Variants in CERS6 observed in about 807,000 individuals in gnomAD.
CERS6 encodes LAG1 homolog, ceramide synthase 6.
In CERS6, 26 loss-of-function variants were observed where a neutral mutation model predicts 56.8. That is an observed-to-expected ratio of 0.46 (90% CI 0.34 to 0.63). CERS6 has a LOEUF of 0.63. CERS6 is among the 30% of genes least tolerant of loss of function. The pLI is 0.01. For missense variants in CERS6, 415 were observed against 467.5 expected (o/e 0.89, Z 1.04); for synonymous variants, 164 against 173.3 (o/e 0.95, Z 0.42).
At chr2:168,548,844 T>C (rs1170046306) in intron 2 of CERS6, among the ~76,000 whole-genome samples, 2 of 152,198 alleles carry the variant, frequency 1.3e-5, no homozygotes, top group Non-Finnish European at 2.9e-5. Flanking sequence ...GTTTTTCATA[T>C]CTCTGCTAGG....
intron 1 of CERS6, among the ~76,000 whole-genome samples, chr2:168,541,148 T>G (rs1558990222): frequency 6.6e-6 from 1 of 151,810 alleles, no homozygotes; most frequent in Non-Finnish European, 1.5e-5. Context: ...TTGTGGAAAC[T>G]CATAGAGCTA....
At position 168,547,659 on chromosome 2, in the gene CERS6, G is replaced by T; in HGVS notation, c.234G>T (p.Pro78=). Reference sequence around the variant, plus strand: ...AGGCCAATGGACCACAAATTGCTCCGCCCAATGCCATTCTGGAAAAGGTCT... The same window carrying T: ...AGGCCAATGGACCACAAATTGCTCCTCCCAATGCCATTCTGGAAAAGGTCT... ...NIQANGPQIA[P]PNAILEKVFT... Residue 78 remains proline (P), a synonymous_variant, in exon 2 of 10, where the codon CCG becomes CCT. Transcript: ENST00000305747. 2 of 1,613,664 alleles carry T rather than the reference G, an allele frequency of 1.2e-6. No individual in the cohort carries two copies. Among genetic ancestry groups the T allele is most frequent in the Non-Finnish European group, 1.7e-6 (2 of 1,179,616 alleles).
At chr2:168,656,493 G>A (rs1044446072) in intron 4 of CERS6, among the ~76,000 whole-genome samples, 6 of 151,464 alleles carry the variant, frequency 4.0e-5, no homozygotes, top group Non-Finnish European at 7.4e-5. Flanking sequence ...TGGTGGGTTC[G>A]TGGTCTCGCT....
chr2:168,681,957 A>G (rs1686228728), intron 4 of CERS6, among the ~76,000 whole-genome samples: 1 of 152,240 alleles, frequency 6.6e-6, no homozygotes, highest in Non-Finnish European at 1.5e-5. Flanking sequence ...ATTGCTACAA[A>G]TGGCAGGATT....
intron 4 of CERS6, among the ~76,000 whole-genome samples, chr2:168,667,881 C>T (rs145178066): frequency 3.9e-5 from 6 of 152,256 alleles, no homozygotes; most frequent in Non-Finnish European, 8.8e-5. Context: ...AAGAAATATG[C>T]ATGGAGGGAC....
At chr2:168,517,657 A>G (rs966202295) in intron 1 of CERS6, among the ~76,000 whole-genome samples, 4 of 152,082 alleles carry the variant, frequency 2.6e-5, no homozygotes, top group Non-Finnish European at 5.9e-5. Flanking sequence ...GTGGGGCAAA[A>G]GTAGCCTCAA....
At chr2:168,674,958 C>CTTTA (rs1686016808) in intron 4 of CERS6, among the ~76,000 whole-genome samples, 1 of 82,818 alleles carries the variant, frequency 1.2e-5, no homozygotes, top group African/African-American at 4.5e-5. Flanking sequence ...ATTTACATTA[C>CTTTA]CTTATTTATT....
At chr2:168,746,617 A>G (rs1641804344) in intron 8 of CERS6, among the ~76,000 whole-genome samples, 1 of 151,560 alleles carries the variant, frequency 6.6e-6, no homozygotes, top group Non-Finnish European at 1.5e-5. Flanking sequence ...TGTTAACACC[A>G]AAACTAACAA....
At chr2:168,623,554 A>G (rs541058894) in intron 3 of CERS6, among the ~76,000 whole-genome samples, 48 of 152,332 alleles carry the variant, frequency 3.2e-4, no homozygotes, top group African/African-American at 1.1e-3. Flanking sequence ...TTGTATCTGA[A>G]TCATTAACGT....
intron 1 of CERS6, among the ~76,000 whole-genome samples, chr2:168,468,520 G>T (rs1693922614): frequency 6.6e-6 from 1 of 152,186 alleles, no homozygotes; most frequent in Non-Finnish European, 1.5e-5. Context: ...TTGCTGTGAG[G>T]ATTAAATGAG....
At chr2:168,500,681 A>G (rs1306368901) in intron 1 of CERS6, among the ~76,000 whole-genome samples, 1 of 152,078 alleles carries the variant, frequency 6.6e-6, no homozygotes, top group African/African-American at 2.4e-5. Context: ...ATTCAAACCA[A>G]AGGAGAAACC....
At chr2:168,498,575 T>C (rs1343963500) in intron 1 of CERS6, among the ~76,000 whole-genome samples, 1 of 152,218 alleles carries the variant, frequency 6.6e-6, no homozygotes, top group Non-Finnish European at 1.5e-5. Flanking sequence ...CTAACGTGTA[T>C]GCAACATGTG....
chr2:168,457,275 C>T (rs539013106), intron 1 of CERS6, among the ~76,000 whole-genome samples: 2 of 152,286 alleles, frequency 1.3e-5, no homozygotes, highest in East Asian at 1.9e-4. Context: ...TGTGACAGGA[C>T]GGGTCCACAT....
intron 6 of CERS6, among the ~76,000 whole-genome samples, chr2:168,699,799 T>C (rs1686760214): frequency 6.6e-6 from 1 of 152,234 alleles, no homozygotes; most frequent in Non-Finnish European, 1.5e-5. Flanking sequence ...AAAACATCTT[T>C]TATTTCCCAA....
At chr2:168,630,435 AG>A (rs1390684293) in intron 3 of CERS6, among the ~76,000 whole-genome samples, 1 of 152,124 alleles carries the variant, frequency 6.6e-6, no homozygotes, top group Non-Finnish European at 1.5e-5. Flanking sequence ...CTAGACCATA[AG>A]TTTGGCATGG....
chr2:168,630,949 A>G, intron 3 of CERS6, 36 bp from the exon 4 acceptor site: 1 of 1,076,034 alleles, frequency 9.3e-7, no homozygotes, highest in Non-Finnish European at 1.4e-6. Context: ...GAATATATAA[A>G]CTGAATGTCA....
At chr2:168,641,722 A>T (rs1445525304) in intron 4 of CERS6, among the ~76,000 whole-genome samples, 1 of 152,180 alleles carries the variant, frequency 6.6e-6, no homozygotes, top group Non-Finnish European at 1.5e-5. Context: ...CATTATTACC[A>T]TACGGTATAA....
Position 168,546,560 on chromosome 2 carries a change from C to G in CERS6, c.171-1036C>G, listed in dbSNP as rs141123961. Among the ~76,000 whole-genome samples the G allele has an allele frequency of 6.6e-5, 10 of 152,274 alleles. No individual in the cohort carries two copies. In the South Asian group the frequency reaches 1.5e-3, roughly 22 times the overall value. On this transcript the variant is annotated intron_variant, in intron 1 of 9. Transcript: ENST00000305747. ...ATTGGTCCTACTTTAAAAACAAAAA[C>G]CTTTGTCTACTGTTCTTTAATCTCA...
chr2:168,488,919 A>G (rs1694320643), intron 1 of CERS6, among the ~76,000 whole-genome samples: 2 of 152,186 alleles, frequency 1.3e-5, no homozygotes, highest in Admixed American at 1.3e-4. Flanking sequence ...AGTGTTACAC[A>G]TTTTGCTTTC....
Sources: allele counts gnomAD v4.1 joint callset (sites outside exome capture counted in the v4.1 genomes callset), GRCh38; gene constraint gnomAD v4.1.1; transcripts MANE v1.5; gene names NCBI Gene and HGNC (gene_info 2026-07-23, HGNC 2026-07-21).